MMP28: variants seen among roughly 807,000 people sequenced by gnomAD.
MMP28 encodes matrix metallopeptidase 28.
In MMP28, 55 loss-of-function variants were observed where a neutral mutation model predicts 60.5. The observed-to-expected ratio is 0.91, with a 90% CI of 0.73 to 1.14. The LOEUF (loss-of-function observed/expected upper bound fraction) is 1.14. MMP28 is among the 50% of genes most tolerant of loss of function. The pLI, the probability that MMP28 is intolerant of heterozygous loss-of-function variation, is 0.00. For synonymous variants in MMP28, 318 were observed against 312.5 expected (o/e 1.02, Z -0.18); for missense variants, 686 against 738.3 (o/e 0.93, Z 0.82).
chr17:35,759,993 G>C (rs2085788218), intron 2 of MMP28, among the ~76,000 whole-genome samples: 1 of 152,146 alleles, frequency 6.6e-6, no homozygotes, highest in South Asian at 2.1e-4. Context: ...GTTCTTGATA[G>C]GGTTGCCCCC....
chr17:35,787,087 C>T (rs1437526489), intron 1 of MMP28, among the ~76,000 whole-genome samples: 2 of 152,142 alleles, frequency 1.3e-5, no homozygotes, highest in East Asian at 3.8e-4. Context: ...GGGGAGCTGA[C>T]TCTCAATTAA....
At chr17:35,784,278 A>G (rs181577644) in intron 1 of MMP28, among the ~76,000 whole-genome samples, 14 of 133,656 alleles carry the variant, frequency 1.0e-4, no homozygotes, top group Admixed American at 8.0e-4. Context: ...GCAAGACTCC[A>G]TTTCCAAAAA....
chr17:35,785,272 C>A (rs1555610202), intron 1 of MMP28, among the ~76,000 whole-genome samples: 9 of 152,078 alleles, frequency 5.9e-5, no homozygotes, highest in Non-Finnish European at 1.0e-4. Flanking sequence ...TGATGAGGTG[C>A]AGCAAAATGA....
intron 1 of MMP28, among the ~76,000 whole-genome samples, chr17:35,794,587 A>AC (rs1405112223): frequency 6.6e-6 from 1 of 151,722 alleles, no homozygotes; most frequent in Non-Finnish European, 1.5e-5. Context: ...ATTGATCCCC[A>AC]CCCCTACCTC....
chr17:35,780,583 C>G (rs2086468683), intron 1 of MMP28, among the ~76,000 whole-genome samples: 1 of 151,908 alleles, frequency 6.6e-6, no homozygotes, highest in Non-Finnish European at 1.5e-5. Context: ...GCCTGTAATC[C>G]CAGCACCTTG....
chr17:35,773,874 T>G (rs1555606850), intron 3 of MMP28, among the ~76,000 whole-genome samples: 1 of 152,166 alleles, frequency 6.6e-6, no homozygotes, highest in East Asian at 1.9e-4. Flanking sequence ...TGACTCCCCC[T>G]GCCCCCCACC....
At chr17:35,761,726 C>T (rs587761547), downstream of MMP28, among the ~76,000 whole-genome samples, 8 of 152,222 alleles carry the variant, frequency 5.3e-5, no homozygotes, top group South Asian at 2.1e-4. Context: ...GCTTGGAACA[C>T]GTCCCTCTAC....
intron 1 of MMP28, among the ~76,000 whole-genome samples, chr17:35,781,709 TGCATAATTCTTCTACAA>T (rs1555609424): frequency 6.6e-6 from 1 of 152,224 alleles, no homozygotes; most frequent in Non-Finnish European, 1.5e-5. Flanking sequence ...TTGCCTCAGC[TGCATAATTCTTCTACAA>T]GGAGAATTCT....
At position 35,770,151 on chromosome 17, in the gene MMP28, C is replaced by A. The variant is rs1598425691; in HGVS notation, c.766G>T (p.Ala256Ser). The change falls in exon 5 of 8, where the codon GCG becomes TCG. Residue 256 changes from alanine (A) to serine (S), a missense_variant. Coordinates refer to ENST00000605424, the MANE Select transcript of MMP28 (RefSeq NM_024302.5). ...CTCTTGTAGTAGGGCGCCATGAGCGCGCGCGGCGCGGGCGAGTGGGTGAGG... is the reference window on the plus strand; with the variant it reads ...CTCTTGTAGTAGGGCGCCATGAGCGAGCGCGGCGCGGGCGAGTGGGTGAGG... ...LGLTHSPAPR[A>S]LMAPYYKRLG... 6.2e-7 allele frequency: 1 copy of A among 1,607,428 alleles called. No homozygotes were observed. Among genetic ancestry groups the A allele is most frequent in the Non-Finnish European group, 8.5e-7 (1 of 1,177,900 alleles).
downstream of MMP28, chr17:35,764,677 G>A (rs1568124114): frequency 1.3e-6 from 2 of 1,493,288 alleles, no homozygotes; most frequent in Non-Finnish European, 1.8e-6. Flanking sequence ...ACCCCCTACC[G>A]ACCTTCTCTC....
intron 4 of MMP28, 119 bp downstream of exon 4, chr17:35,773,061 A>T: frequency 1.2e-6 from 1 of 822,246 alleles, no homozygotes; most frequent in South Asian, 1.8e-5. Context: ...GGTTCTCTGC[A>T]GGGAGATGTG....
chr17:35,773,537 G>T, intron 3 of MMP28, 133 bp from the exon 4 acceptor site: 1 of 772,000 alleles, frequency 1.3e-6, no homozygotes, highest in Non-Finnish European at 2.0e-6. Context: ...CACAGTTTTT[G>T]CCCTGGGCAG....
chr17:35,778,685 A>G (rs1598449147), intron 3 of MMP28: 1 of 1,232,292 alleles, frequency 8.1e-7, no homozygotes, highest in East Asian at 2.6e-5. Context: ...ATGAAAATTC[A>G]TCAATGTAGG....
rs1555605263 is a variant in MMP28, at chr17:35,770,682, C to G, written c.605-370G>C. ...TGCAAATGGGAATGATGATGGTGAGCTTCTTCCTCACAGAGTTGTTCTGAA... is the reference window on the plus strand; with the variant it reads ...TGCAAATGGGAATGATGATGGTGAGGTTCTTCCTCACAGAGTTGTTCTGAA... On this transcript the variant is annotated intron_variant, in intron 4 of 7. Transcript: ENST00000605424. Among the ~76,000 whole-genome samples, 3 of 151,854 alleles carry G rather than the reference C, an allele frequency of 2.0e-5. No homozygotes were observed. The East Asian group carries it at 5.8e-4, about 29-fold the overall frequency.
At chr17:35,758,711 A>G (rs1334327782) in intron 2 of MMP28, among the ~76,000 whole-genome samples, 1 of 152,104 alleles carries the variant, frequency 6.6e-6, no homozygotes, top group African/African-American at 2.4e-5. Context: ...ATAAAATAAA[A>G]TAAAATAAAA....
chr17:35,766,510 G>T lies in MMP28; in HGVS notation c.1553C>A (p.Ala518Asp), dbSNP rs1555603195. The T allele has an allele frequency of 1.3e-6, 2 of 1,591,386 alleles. No individual in the cohort carries two copies. The highest frequency in any genetic ancestry group is 1.7e-6 in the Non-Finnish European group (2 of 1,168,654). Residue 518 changes from alanine (A) to aspartate (D), a missense_variant, in exon 8 of 8, where the codon GCC becomes GAC. Physicochemically the swap from Ala to Asp is moderately radical, Grantham distance 126 (BLOSUM62 -2). Transcript: ENST00000605424. The surrounding 1 kb of genome is among the most constrained non-coding windows in gnomAD (Gnocchi z 4.3). ...MGCWHANSGSALF is the reference protein window; with the variant it reads ...MGCWHANSGSDLF ...GGTGAGGAGGTGCCTTCAGAACAGG[G>T]CGCTCCCCGAGTTGGCATGCCAGCA...
chr17:35,763,681 G>A (rs1351809312), downstream of MMP28, among the ~76,000 whole-genome samples: 1 of 151,838 alleles, frequency 6.6e-6, no homozygotes, highest in Non-Finnish European at 1.5e-5. Context: ...CAAATCACCT[G>A]AGGTCAGGAG....
rs2085926735 is a variant in MMP28, at chr17:35,765,990, G to A, written c.*510C>T. The A allele has an allele frequency of 1.0e-6, 1 of 985,432 alleles. No homozygotes were observed. The highest frequency in any genetic ancestry group is 1.7e-5 in the African/African-American group (1 of 57,360). 61.0% of individuals were successfully genotyped at this position (985,432 alleles called of 1,614,324 possible). Reference sequence around the variant, plus strand: ...TGTCCTGACCCCACAAAGGGCCTCTGAGGTTGGAGACGCCTGTGCCTTCAT... The same window carrying A: ...TGTCCTGACCCCACAAAGGGCCTCTAAGGTTGGAGACGCCTGTGCCTTCAT... On this transcript the variant is annotated 3_prime_UTR_variant, in exon 8 of 8. Coordinates refer to ENST00000605424, the MANE Select transcript of MMP28 (RefSeq NM_024302.5).
intron 1 of MMP28, among the ~76,000 whole-genome samples, chr17:35,786,851 C>G (rs1055060349): frequency 2.0e-5 from 3 of 152,032 alleles, no homozygotes; most frequent in African/African-American, 7.3e-5. Flanking sequence ...TCACAATGAT[C>G]TTGCAAGAAT....
Sources: allele counts gnomAD v4.1 joint callset (sites outside exome capture counted in the v4.1 genomes callset), GRCh38; gene constraint gnomAD v4.1.1; non-coding constraint Gnocchi (gnomAD v3.1); transcripts MANE v1.5; gene names NCBI Gene and HGNC (gene_info 2026-07-23, HGNC 2026-07-21).